DTNA: variants seen among roughly 807,000 people sequenced by gnomAD.
The protein encoded by DTNA is dystrobrevin alpha.
A neutral mutation model predicts 100.7 loss-of-function variants in DTNA; 43 were observed. The ratio of observed to expected loss-of-function variants is 0.43; its 90% CI spans 0.33 to 0.55. DTNA has a LOEUF of 0.55. DTNA is among the 20% of genes least tolerant of loss of function. DTNA has a pLI of 0.04. For missense variants in DTNA, 798 were observed against 953.9 expected (o/e 0.84, Z 2.15); for synonymous variants, 349 against 347.9 (o/e 1.00, Z -0.04).
chr18:34,572,717 C>T (rs1335032412), intron 1 of DTNA, among the ~76,000 whole-genome samples: 1 of 152,044 alleles, frequency 6.6e-6, no homozygotes, highest in Admixed American at 6.5e-5. Context: ...TATTAGGTGC[C>T]TAGGAGGTTC....
chr18:34,493,932 C>T (rs529874310), intron 1 of DTNA: 4 of 148,462 alleles, frequency 2.7e-5, no homozygotes, highest in East Asian at 4.0e-4. Flanking sequence ...GGCGCGGCGC[C>T]TCCCCGGGCG....
intron 3 of DTNA, among the ~76,000 whole-genome samples, chr18:34,790,222 A>G (rs1325077298): frequency 6.6e-6 from 1 of 152,178 alleles, no homozygotes; most frequent in African/African-American, 2.4e-5. Context: ...CACAATAGAC[A>G]CAGCCTTGTC....
At chr18:34,630,603 C>T (rs1224709938) in intron 1 of DTNA, among the ~76,000 whole-genome samples, 2 of 151,862 alleles carry the variant, frequency 1.3e-5, no homozygotes, top group South Asian at 4.2e-4. Flanking sequence ...GGCAGTAGCA[C>T]AGGAGGTAAA....
chr18:34,593,220 C>T (rs2146958563), intron 1 of DTNA: 1 of 152,334 alleles, frequency 6.6e-6, no homozygotes, highest in Non-Finnish European at 1.5e-5. Flanking sequence ...GAAGCTCAGT[C>T]AGAGGGAGCG....
chr18:34,886,527 A>G (rs1002980163), intron 22 of DTNA, among the ~76,000 whole-genome samples: 1 of 152,234 alleles, frequency 6.6e-6, no homozygotes, highest in Non-Finnish European at 1.5e-5. Context: ...TTTAAACATC[A>G]GTAGCTAGTT....
chr18:34,564,283 C>G (rs1310259524), intron 1 of DTNA, among the ~76,000 whole-genome samples: 1 of 152,154 alleles, frequency 6.6e-6, no homozygotes, highest in Non-Finnish European at 1.5e-5. Context: ...GCTGGGATTA[C>G]AGGCACGCGC....
chr18:34,759,622 C>T (rs1374395124), intron 2 of DTNA, among the ~76,000 whole-genome samples: 4 of 152,190 alleles, frequency 2.6e-5, no homozygotes, highest in African/African-American at 7.2e-5. Flanking sequence ...TCAGCAGAGA[C>T]AGGACTTGAA....
intron 3 of DTNA, among the ~76,000 whole-genome samples, chr18:34,782,058 C>T (rs1227377284): frequency 2.0e-5 from 3 of 152,184 alleles, no homozygotes; most frequent in African/African-American, 7.2e-5. Flanking sequence ...AAACTATGCC[C>T]AATAAAGCCT....
At chr18:34,842,844 G>A (rs1302737773) in intron 13 of DTNA, among the ~76,000 whole-genome samples, 2 of 152,030 alleles carry the variant, frequency 1.3e-5, no homozygotes, top group Non-Finnish European at 2.9e-5. Context: ...TGGTTAGTTG[G>A]TTAGCTGTTT....
At chr18:34,528,165 C>T (rs1423579838) in intron 1 of DTNA, among the ~76,000 whole-genome samples, 1 of 152,050 alleles carries the variant, frequency 6.6e-6, no homozygotes, top group Non-Finnish European at 1.5e-5. Context: ...CCTGGATTTC[C>T]TGTACAACTA....
intron 1 of DTNA, among the ~76,000 whole-genome samples, chr18:34,535,295 CAA>C (rs1283180075): frequency 6.6e-6 from 1 of 151,926 alleles, no homozygotes; most frequent in African/African-American, 2.4e-5. Context: ...TCTTCTTTTG[CAA>C]AGTGTCTGTT....
chr18:34,840,641 A>G (rs2096250892), intron 13 of DTNA, among the ~76,000 whole-genome samples: 1 of 152,156 alleles, frequency 6.6e-6, no homozygotes, highest in South Asian at 2.1e-4. Context: ...ATGGTTACTT[A>G]AGACCATAAA....
chr18:34,568,165 GA>G (rs1568671714), intron 1 of DTNA, among the ~76,000 whole-genome samples: 3 of 152,048 alleles, frequency 2.0e-5, no homozygotes, highest in South Asian at 4.1e-4. Flanking sequence ...ATAAGGCCAA[GA>G]AAAAAATGAA....
intron 1 of DTNA, 133 bp downstream of exon 1, chr18:34,710,578 C>G (rs935524225): frequency 6.6e-6 from 1 of 151,934 alleles, no homozygotes; most frequent in Non-Finnish European, 1.5e-5. Context: ...TCCTGCCCAC[C>G]CTCCTAGCTC....
intron 1 of DTNA, among the ~76,000 whole-genome samples, chr18:34,615,900 G>A (rs1599091859): frequency 6.6e-6 from 1 of 152,158 alleles, no homozygotes; most frequent in East Asian, 1.9e-4. Context: ...CATCCATGTT[G>A]CTGCTGAAGG....
rs1029323200 is a variant in DTNA, at chr18:34,516,159, A to G, written c.-2+22645A>G. ...GAAATAAAGGGAAAGAGTACAAGAG[A>G]GAAATTTTAAAGCTGGGTGTCCGGG... is the stretch of plus-strand genomic sequence containing the variant. On this transcript the variant is annotated intron_variant, in intron 1 of 19. Coordinates refer to the DTNA transcript ENST00000283365. Among the ~76,000 whole-genome samples, 293 of 152,248 alleles carry G rather than the reference A, an allele frequency of 1.9e-3. 3 individuals carry two copies. The highest frequency in any genetic ancestry group is 3.1e-4 in the Non-Finnish European group (21 of 68,016).
chr18:34,781,424 T>G (rs1310093000), intron 3 of DTNA, among the ~76,000 whole-genome samples: 4 of 152,196 alleles, frequency 2.6e-5, no homozygotes, highest in Non-Finnish European at 4.4e-5. Context: ...TTTTAGCAAT[T>G]TTGAAATATA....
chr18:34,727,905 G>GT (rs1297741201), intron 1 of DTNA, among the ~76,000 whole-genome samples: 9 of 152,132 alleles, frequency 5.9e-5, no homozygotes, highest in African/African-American at 2.2e-4. Flanking sequence ...AAGAGGATAT[G>GT]TTTTTTATAA....
At chr18:34,518,530 T>G (rs936272513) in intron 1 of DTNA, among the ~76,000 whole-genome samples, 2 of 152,102 alleles carry the variant, frequency 1.3e-5, no homozygotes, top group African/African-American at 4.8e-5. Context: ...ATTTTCTTTT[T>G]TTTTCCTAAA....
Sources: allele counts gnomAD v4.1 joint callset (sites outside exome capture counted in the v4.1 genomes callset), GRCh38; gene constraint gnomAD v4.1.1; transcripts MANE v1.5; gene names NCBI Gene and HGNC (gene_info 2026-07-23, HGNC 2026-07-21).